Variants in CNTN6 observed in about 807,000 individuals in gnomAD.
The protein encoded by CNTN6 is contactin-6.
A neutral mutation model predicts 122.8 loss-of-function variants in CNTN6; 137 were observed. The observed-to-expected ratio is 1.12, with a 90% CI of 0.97 to 1.29. CNTN6 has a LOEUF of 1.29. Among genes scored for constraint, CNTN6 ranks in the 50% most tolerant of loss-of-function variants. The pLI, the probability that CNTN6 is intolerant of heterozygous loss-of-function variation, is 0.00. For missense variants in CNTN6, 1,634 were observed against 1,223.4 expected, an observed-to-expected ratio of 1.34 and a Z score of -5.01; for synonymous variants, 570 against 426.0, an observed-to-expected ratio of 1.34 and a Z score of -4.16.
At chr3:1,390,622 C>G (rs1341658202) in intron 20 of CNTN6, among the ~76,000 whole-genome samples, 1 of 152,100 alleles carries the variant, frequency 6.6e-6, no homozygotes, top group Non-Finnish European at 1.5e-5. Flanking sequence ...AATCCAGGAG[C>G]TGGTTTTTTG....
intron 4 of CNTN6, among the ~76,000 whole-genome samples, chr3:1,235,566 A>C (rs1293655725): frequency 6.6e-6 from 1 of 152,184 alleles, no homozygotes; most frequent in Non-Finnish European, 1.5e-5. Context: ...TAAATAGCAA[A>C]TACAGGAGAG....
At chr3:1,239,085 A>G (rs2094452831) in intron 4 of CNTN6, among the ~76,000 whole-genome samples, 1 of 152,186 alleles carries the variant, frequency 6.6e-6, no homozygotes, top group Admixed American at 6.5e-5. Context: ...CCTAGATTAA[A>G]CCAGTAAGAT....
intron 2 of CNTN6, among the ~76,000 whole-genome samples, chr3:1,195,670 C>T (rs2093766318): frequency 6.6e-6 from 1 of 152,126 alleles, no homozygotes; most frequent in African/African-American, 2.4e-5. Context: ...ATTCTGCCTT[C>T]TTAGTTTACC....
intron 12 of CNTN6, among the ~76,000 whole-genome samples, chr3:1,369,218 T>A (rs1708645339): frequency 6.6e-6 from 1 of 152,188 alleles, no homozygotes; most frequent in Non-Finnish European, 1.5e-5. Context: ...CATAAACTGA[T>A]CCCCTCAGGA....
chr3:1,239,554 C>T (rs1358613501), intron 4 of CNTN6, among the ~76,000 whole-genome samples: 1 of 152,174 alleles, frequency 6.6e-6, no homozygotes, highest in Non-Finnish European at 1.5e-5. Context: ...ACATCCCATG[C>T]TCATGGTTGG....
chr3:1,390,372 G>T (rs1035052080), intron 20 of CNTN6, among the ~76,000 whole-genome samples: 2 of 151,604 alleles, frequency 1.3e-5, no homozygotes, highest in Non-Finnish European at 2.9e-5. Flanking sequence ...TGAGAACAAA[G>T]ACACAACATA....
intron 2 of CNTN6, among the ~76,000 whole-genome samples, chr3:1,156,987 A>T (rs1276947698): frequency 6.6e-6 from 1 of 150,646 alleles, no homozygotes; most frequent in Non-Finnish European, 1.5e-5. Context: ...AAGTGCTGGG[A>T]TTACAGGCAT....
At chr3:1,384,781 A>G (rs530414271) in intron 19 of CNTN6, among the ~76,000 whole-genome samples, 29 of 141,384 alleles carry the variant, frequency 2.1e-4, no homozygotes, top group Admixed American at 1.4e-3. Context: ...ACATATATAT[A>G]TATATATATA....
In CNTN6 at chr3:1,375,012, A is replaced by G. The variant is rs62230967; in HGVS notation, c.2095+939A>G. Among the ~76,000 whole-genome samples the G allele has an allele frequency of 3.4e-3, 512 of 152,164 alleles. 2 individuals carry two copies. The highest frequency in any genetic ancestry group is 5.7e-3 in the Non-Finnish European group (388 of 67,946). The stretch of plus-strand genomic sequence containing the variant: ...CCAGGATATTAGCTGGTTGTTTGTG[A>G]CAGAGCTAGGTTTTGAATCCAAACC... On this transcript the variant is annotated intron_variant, in intron 16 of 22. Coordinates refer to ENST00000446702, the MANE Select transcript of CNTN6 (RefSeq NM_001289080.2).
chr3:1,348,601 T>C (rs1046736101), intron 11 of CNTN6, among the ~76,000 whole-genome samples: 1 of 152,066 alleles, frequency 6.6e-6, no homozygotes, highest in Non-Finnish European at 1.5e-5. Flanking sequence ...TACACACATA[T>C]GTACATGCAC....
intron 7 of CNTN6, among the ~76,000 whole-genome samples, chr3:1,300,517 GAAAGAAAGAT>G (rs1559754583): frequency 3.6e-5 from 5 of 138,958 alleles, no homozygotes; most frequent in African/African-American, 1.4e-4. Context: ...GAGAAAGAAA[GAAAGAAAGAT>G]AAAGAAAGAG....
intron 4 of CNTN6, among the ~76,000 whole-genome samples, chr3:1,250,615 G>A (rs965977825): frequency 7.9e-5 from 12 of 152,078 alleles, no homozygotes; most frequent in African/African-American, 2.7e-4. Flanking sequence ...ACCCCTCATT[G>A]CCCAAACCTT....
intron 7 of CNTN6, among the ~76,000 whole-genome samples, chr3:1,313,013 A>G (rs1351054853): frequency 7.0e-6 from 1 of 142,610 alleles, no homozygotes; most frequent in African/African-American, 3.0e-5. Context: ...AAAATGATAA[A>G]CTGTTAATAT....
Position 1,295,816 on chromosome 3 carries a change from A to G in CNTN6, c.658+12A>G, listed in dbSNP as rs750464540. The G allele has an allele frequency of 5.2e-5, 83 of 1,598,464 alleles. 1 individual carries two copies. The South Asian group carries it at 9.0e-4, about 17-fold the overall frequency. ...GCAGCGCACTGATGGTAAGATAATG[A>G]GTTATCTTGGGAATGTACTTTATCT... On this transcript the variant is annotated intron_variant, in intron 6 of 22. Coordinates refer to ENST00000446702, the MANE Select transcript of CNTN6 (RefSeq NM_001289080.2).
chr3:1,154,163 A>G (rs2092908622), intron 2 of CNTN6, among the ~76,000 whole-genome samples: 1 of 151,930 alleles, frequency 6.6e-6, no homozygotes, highest in Non-Finnish European at 1.5e-5. Flanking sequence ...CTTAAATGAA[A>G]TTGTTAGGAC....
intron 1 of CNTN6, among the ~76,000 whole-genome samples, chr3:1,097,252 A>T (rs918167017): frequency 2.6e-5 from 4 of 152,348 alleles, no homozygotes; most frequent in Admixed American, 6.5e-5. Flanking sequence ...CTATTTTGCA[A>T]TGAGTCCTAA....
At chr3:1,361,472 T>G (rs1291713738) in intron 12 of CNTN6, among the ~76,000 whole-genome samples, 1 of 152,148 alleles carries the variant, frequency 6.6e-6, no homozygotes, top group Non-Finnish European at 1.5e-5. Context: ...TTAAATGGTT[T>G]TCAATAGATG....
Position 1,212,534 on chromosome 3 carries a change from TAC to T in CNTN6, c.56-8143_56-8142del, listed in dbSNP as rs577604232. Among the ~76,000 whole-genome samples, 269 of 151,470 alleles carry T rather than the reference TAC, an allele frequency of 1.8e-3. 1 individual carries two copies. The highest frequency in any genetic ancestry group is 5.7e-3 in the African/African-American group (237 of 41,368). On this transcript the variant is annotated intron_variant, in intron 2 of 22. Coordinates refer to ENST00000446702, the MANE Select transcript of CNTN6 (RefSeq NM_001289080.2). ...ATATACATATGTGTGTGTATATATA[TAC>T]ACACACACATATATATGTGTATACA...
chr3:1,245,286 T>TA (rs2094559947), intron 4 of CNTN6, among the ~76,000 whole-genome samples: 1 of 8,396 alleles, frequency 1.2e-4, no homozygotes, highest in African/African-American at 4.5e-4. Context: ...CACACACATA[T>TA]ATATATAACA....
Sources: gnomAD v4.1 joint callset for allele counts (sites outside exome capture counted in the v4.1 genomes callset) on GRCh38, gnomAD v4.1.1 for gene constraint, MANE v1.5 for transcripts, NCBI Gene and HGNC (gene_info 2026-07-23, HGNC 2026-07-21) for gene names.